FHAD1: variants seen among roughly 807,000 people sequenced by gnomAD.
The protein encoded by FHAD1 is forkhead-associated domain-containing protein 1.
Under a neutral mutation model 191.3 loss-of-function variants are expected in FHAD1, and 146 were observed. The ratio of observed to expected loss-of-function variants is 0.76; its 90% confidence interval spans 0.67 to 0.88. The LOEUF (loss-of-function observed/expected upper bound fraction) is 0.88, where lower values mean the gene tolerates loss of function less well. Among genes scored for constraint, FHAD1 ranks in the 40% least tolerant of loss-of-function variants. The pLI, the probability that FHAD1 is intolerant of heterozygous loss-of-function variation, is 0.00. For synonymous variants in FHAD1, 616 were observed against 672.3 expected (o/e 0.92, Z 1.29); for missense variants, 1,635 against 1,785.8 (o/e 0.92, Z 1.52).
At chr1:15,401,827 G>C (rs950974472), downstream of FHAD1, among the ~76,000 whole-genome samples, 16 of 152,230 alleles carry the variant, frequency 1.1e-4, no homozygotes, top group Non-Finnish European at 1.8e-4. Context: ...CAGCTCATCA[G>C]CTTGGCCTCA....
intron 2 of FHAD1, among the ~76,000 whole-genome samples, chr1:15,259,993 C>T (rs867838027): frequency 6.6e-6 from 1 of 152,182 alleles, no homozygotes; most frequent in Non-Finnish European, 1.5e-5. Flanking sequence ...TGCAAAAAGG[C>T]CACGTAAGCT....
At chr1:15,253,148 CTGTGTGTGTGTGTGTGTGTGTG>C (rs5772631) in intron 2 of FHAD1, among the ~76,000 whole-genome samples, 3 of 146,046 alleles carry the variant, frequency 2.1e-5, no homozygotes, top group Admixed American at 6.8e-5. Flanking sequence ...GACATAAGTG[CTGTGTGTGTGTGTGTGTGTGTG>C]TGTGTGTGTG....
At chr1:15,314,633 ATGTG>A (rs1558083712) in intron 8 of FHAD1, 2 of 1,770 alleles carry the variant, frequency 1.1e-3, no homozygotes, top group Non-Finnish European at 2.3e-3. Context: ...GTGAGGATGT[ATGTG>A]GGTGTGTGGG....
At chr1:15,376,073 ATTTATTTTTTTATTTATTTT>A (rs201688286) in intron 28 of FHAD1, among the ~76,000 whole-genome samples, 13,366 of 136,660 alleles carry the variant, frequency 0.098, 726 homozygotes, top group South Asian at 0.19. Context: ...TTATTTATTT[ATTTATTTTTTTATTTATTTT>A]TTTATTTATT....
At chr1:15,380,297 G>A (rs1015686764) in intron 28 of FHAD1, among the ~76,000 whole-genome samples, 1 of 152,118 alleles carries the variant, frequency 6.6e-6, no homozygotes, top group Non-Finnish European at 1.5e-5. Flanking sequence ...ATGTGTGGAT[G>A]TCTAGTAGCG....
chr1:15,287,367 C>T (rs1009601202), intron 3 of FHAD1, among the ~76,000 whole-genome samples: 4 of 152,126 alleles, frequency 2.6e-5, no homozygotes, highest in African/African-American at 7.2e-5. Context: ...AATTTAAAAA[C>T]GAACAGGTTT....
intron 4 of FHAD1, among the ~76,000 whole-genome samples, chr1:15,292,217 G>C (rs562968880): frequency 6.6e-6 from 1 of 151,970 alleles, no homozygotes; most frequent in Non-Finnish European, 1.5e-5. Flanking sequence ...GCATGATCTC[G>C]ACTCATTAAA....
chr1:15,374,842 T>C (rs1405288133), intron 27 of FHAD1, among the ~76,000 whole-genome samples: 1 of 145,432 alleles, frequency 6.9e-6, no homozygotes, highest in East Asian at 2.0e-4. Flanking sequence ...TAACTCACTA[T>C]TGTACGTTTT....
chr1:15,314,291 T>C (rs942224720), intron 8 of FHAD1, among the ~76,000 whole-genome samples: 4 of 152,002 alleles, frequency 2.6e-5, no homozygotes, highest in Non-Finnish European at 4.4e-5. Flanking sequence ...GGTCCAAGGA[T>C]GAAGCAGCAG....
At chr1:15,270,534 G>A (rs1255403047) in intron 2 of FHAD1, among the ~76,000 whole-genome samples, 9 of 152,156 alleles carry the variant, frequency 5.9e-5, no homozygotes, top group South Asian at 4.1e-4. Flanking sequence ...GGCTTGTAAT[G>A]TGTAAGTAAT....
intron 31 of FHAD1, among the ~76,000 whole-genome samples, chr1:15,385,421 G>C (rs181799566): frequency 6.6e-6 from 1 of 152,050 alleles, no homozygotes; most frequent in African/African-American, 2.4e-5. Context: ...ATCCGCCCCT[G>C]ACACACAGAC....
In FHAD1 at chr1:15,362,712, G is replaced by T. The variant is rs765721007; in HGVS notation, c.3033G>T (p.Ala1011=). The stretch of plus-strand genomic sequence containing the variant: ...CAGAGAGCAGTGCCAAAGACATGGC[G>T]TACGAACATCTGATGTGAGTACCCG... ...PMTESSAKDM[A]YEHLIDDLLA... The change falls in exon 23 of 34, where the codon GCG becomes GCT. Residue 1011 remains alanine (A), a synonymous_variant. Coordinates refer to ENST00000688493, the MANE Select transcript of FHAD1 (RefSeq NM_001391957.1). 3 of 1,551,586 alleles carry T rather than the reference G, an allele frequency of 1.9e-6. No individual in the cohort carries two copies. Among genetic ancestry groups the T allele is most frequent in the East Asian group, 4.9e-5 (2 of 40,920 alleles).
Position 15,289,453 on chromosome 1 carries a change from C to T in FHAD1, c.355C>T (p.Arg119Cys), listed in dbSNP as rs1663691515. 6.4e-7 allele frequency: 1 copy of T among 1,551,762 alleles called. No homozygotes were observed. The highest frequency in any genetic ancestry group is 8.7e-7 in the Non-Finnish European group (1 of 1,147,022). Residue 119 changes from arginine to cysteine, a missense_variant, in exon 4 of 34, where the codon CGT becomes TGT. Physicochemically the swap from Arg to Cys is radical, Grantham distance 180. Coordinates refer to ENST00000688493, the MANE Select transcript of FHAD1 (RefSeq NM_001391957.1). This position sits in a 1 kb window ranked among gnomAD's most constrained non-coding sequence, Gnocchi z 4.2. Reference sequence around the variant, plus strand: ...ACCATGGCCAGGGCCACAGCCACCTCGTGCCACACAGCAGCCAAACCAGGC... The same window carrying T: ...ACCATGGCCAGGGCCACAGCCACCTTGTGCCACACAGCAGCCAAACCAGGC... ...PAPWPGPQPP[R>C]ATQQPNQAPP...
intron 3 of FHAD1, among the ~76,000 whole-genome samples, chr1:15,273,929 G>A (rs993693856): frequency 9.9e-5 from 15 of 152,064 alleles, no homozygotes; most frequent in African/African-American, 2.2e-4. Context: ...AACGACCACC[G>A]TTCTACTTCC....
At chr1:15,293,444 G>C (rs1665605740) in intron 4 of FHAD1, among the ~76,000 whole-genome samples, 2 of 152,270 alleles carry the variant, frequency 1.3e-5, no homozygotes, top group South Asian at 4.1e-4. Flanking sequence ...TTGTGGCCAG[G>C]CGCGGTGGCT....
intron 6 of FHAD1, among the ~76,000 whole-genome samples, chr1:15,305,168 CAG>C (rs1234511322): frequency 6.6e-6 from 1 of 152,208 alleles, no homozygotes. Context: ...GTAGAATAAT[CAG>C]AGCTAGTGTC....
chr1:15,365,129 C>T (rs899504829), intron 23 of FHAD1, among the ~76,000 whole-genome samples: 1 of 152,194 alleles, frequency 6.6e-6, no homozygotes, highest in South Asian at 2.1e-4. Context: ...GCCACATTGT[C>T]TTCCTCTCTT....
chr1:15,370,295 G>A (rs1697702175), intron 26 of FHAD1, among the ~76,000 whole-genome samples: 1 of 152,154 alleles, frequency 6.6e-6, no homozygotes, highest in Non-Finnish European at 1.5e-5. Context: ...TATTTGTTTA[G>A]TAGATAATTT....
chr1:15,315,906 A>C (rs1319409868), intron 8 of FHAD1, among the ~76,000 whole-genome samples: 2 of 152,228 alleles, frequency 1.3e-5, no homozygotes, highest in African/African-American at 4.8e-5. Flanking sequence ...TTTCTGGGTC[A>C]AAAAGGAGGC....
Sources: allele counts gnomAD v4.1 joint callset (sites outside exome capture counted in the v4.1 genomes callset), GRCh38; gene constraint gnomAD v4.1.1; non-coding constraint Gnocchi (gnomAD v3.1); transcripts MANE v1.5; gene names NCBI Gene and HGNC (gene_info 2026-07-23, HGNC 2026-07-21).